GPM6A: variants seen among roughly 807,000 people sequenced by gnomAD.
GPM6A encodes the protein glycoprotein M6A.
Under a neutral mutation model 32.1 loss-of-function variants are expected in GPM6A, and 7 were observed. The observed-to-expected ratio is 0.22, with a 90% CI of 0.12 to 0.41. The LOEUF is 0.41. Among genes scored for constraint, GPM6A ranks in the 10% least tolerant of loss-of-function variants. GPM6A has a pLI of 1.00. For synonymous variants in GPM6A, 130 were observed against 123.4 expected (o/e 1.05, Z -0.35); for missense variants, 235 against 347.2 (o/e 0.68, Z 2.57).
chr4:175,943,105 T>G (rs1489309122), intron 1 of GPM6A, among the ~76,000 whole-genome samples: 1 of 152,196 alleles, frequency 6.6e-6, no homozygotes. Flanking sequence ...ACATCCCTTG[T>G]AAGCTGTATT....
intron 1 of GPM6A, among the ~76,000 whole-genome samples, chr4:175,725,215 T>A (rs1746340623): frequency 6.6e-6 from 1 of 152,004 alleles, no homozygotes; most frequent in Admixed American, 6.6e-5. Context: ...TAATAAGAGC[T>A]AAACAAATAT....
intron 4 of GPM6A, 56 bp from the exon 5 acceptor site, chr4:175,640,885 G>T: frequency 1.8e-6 from 2 of 1,140,780 alleles, no homozygotes; most frequent in South Asian, 1.3e-5. Context: ...AGAGCCAAGA[G>T]AGAAAAAAAT....
chr4:175,752,720 A>C (rs1732384581), intron 1 of GPM6A, among the ~76,000 whole-genome samples: 1 of 152,152 alleles, frequency 6.6e-6, no homozygotes, highest in Non-Finnish European at 1.5e-5. Context: ...CATGAAATTA[A>C]AGGACAAAGA....
rs1743253855 is a variant in GPM6A, at chr4:175,674,520, G to A, written c.231-684C>T. Reference sequence around the variant, plus strand: ...AATTATCATATGATTTCTCTAATTAGGACAAAATACCAAATGCAAAGATTT... The same window carrying A: ...AATTATCATATGATTTCTCTAATTAAGACAAAATACCAAATGCAAAGATTT... On this transcript the variant is annotated intron_variant, in intron 2 of 6. Coordinates refer to ENST00000393658, the MANE Select transcript of GPM6A (RefSeq NM_201591.3). Among the ~76,000 whole-genome samples the A allele has an allele frequency of 2.0e-5, 3 of 152,058 alleles. No homozygotes were observed. The South Asian group carries it at 6.2e-4, about 31-fold the overall frequency.
At chr4:175,822,728 G>A (rs1252265420) in intron 1 of GPM6A, among the ~76,000 whole-genome samples, 1 of 151,524 alleles carries the variant, frequency 6.6e-6, no homozygotes, top group African/African-American at 2.4e-5. Flanking sequence ...TGTTACATAG[G>A]TATACATGTG....
intron 1 of GPM6A, among the ~76,000 whole-genome samples, chr4:175,747,515 A>G (rs1198662616): frequency 6.6e-6 from 1 of 152,246 alleles, no homozygotes; most frequent in Non-Finnish European, 1.5e-5. Context: ...AGTGAGTCAC[A>G]CACATATTTT....
chr4:175,648,350 G>C (rs1206185921), intron 4 of GPM6A, among the ~76,000 whole-genome samples: 1 of 152,114 alleles, frequency 6.6e-6, no homozygotes, highest in Non-Finnish European at 1.5e-5. Flanking sequence ...ACCTGTGTTG[G>C]AGTAAGCCGT....
rs552821029 is a variant in GPM6A at position 175,633,676 on chromosome 4, C to A, written c.*1229G>T. On this transcript the variant is annotated 3_prime_UTR_variant, in exon 7 of 7. Coordinates refer to ENST00000393658, the MANE Select transcript of GPM6A (RefSeq NM_201591.3). ...ATTTGGTCCAATAATACTGATTGCT[C>A]TTTGTTAAAATTCCTTTGATACAGG... 2.0e-5 allele frequency: 3 copies of A among 152,522 alleles called. No homozygotes were observed. Among genetic ancestry groups the A allele is most frequent in the Middle Eastern group, 3.4e-3 (1 of 294 alleles). 9.4% of individuals were successfully genotyped at this position (152,522 alleles called of 1,614,324 possible).
At chr4:175,796,111 C>T (rs1734217053) in intron 1 of GPM6A, among the ~76,000 whole-genome samples, 1 of 152,166 alleles carries the variant, frequency 6.6e-6, no homozygotes, top group African/African-American at 2.4e-5. Context: ...GTTTTAGTTG[C>T]TCTCTGTCTC....
intron 1 of GPM6A, among the ~76,000 whole-genome samples, chr4:175,723,075 C>T (rs1746228298): frequency 6.6e-6 from 1 of 152,068 alleles, no homozygotes; most frequent in African/African-American, 2.4e-5. Context: ...TGTGGTAGCT[C>T]CAATGGTTTG....
chr4:175,886,377 T>C (rs956676724), intron 1 of GPM6A, among the ~76,000 whole-genome samples: 4 of 151,952 alleles, frequency 2.6e-5, no homozygotes, highest in Admixed American at 2.0e-4. Flanking sequence ...TGGGAGAAAA[T>C]AACTGTCAAG....
intron 2 of GPM6A, 44 bp downstream of exon 2, chr4:175,701,530 TA>T: frequency 7.1e-7 from 1 of 1,406,770 alleles, no homozygotes; most frequent in Non-Finnish European, 1.0e-6. Flanking sequence ...CATAGAAGTG[TA>T]AATATATACA....
intron 1 of GPM6A, among the ~76,000 whole-genome samples, chr4:175,798,052 C>T (rs893580695): frequency 2.0e-5 from 3 of 152,098 alleles, no homozygotes; most frequent in Non-Finnish European, 4.4e-5. Context: ...AAATGAAGTG[C>T]CGTAATCATC....
rs544098057 is a variant in GPM6A, at chr4:175,885,033, C to T, written c.-22-72784G>A. 5.9e-5 allele frequency among the ~76,000 whole-genome samples: 9 copies of T among 152,220 alleles called. No homozygotes were observed. In the South Asian group the frequency reaches 6.2e-4, roughly 11 times the overall value. On this transcript the variant is annotated intron_variant, in intron 1 of 7. Transcript: ENST00000280187. ...GCAAATCTTATGATTAGCAATTCCGCTCTATAGGAAGATATCTTTCAGAAT... is the reference window on the plus strand; with the variant it reads ...GCAAATCTTATGATTAGCAATTCCGTTCTATAGGAAGATATCTTTCAGAAT...
chr4:175,658,556 C>G (rs1013618470), intron 3 of GPM6A, among the ~76,000 whole-genome samples: 1 of 152,038 alleles, frequency 6.6e-6, no homozygotes. Flanking sequence ...AGAGAAAATC[C>G]TCATCTAAAT....
chr4:175,859,006 C>T (rs1736497215), intron 1 of GPM6A, among the ~76,000 whole-genome samples: 1 of 152,074 alleles, frequency 6.6e-6, no homozygotes, highest in African/African-American at 2.4e-5. Context: ...ATCTGAAATT[C>T]TAGAAAATGC....
intron 1 of GPM6A, chr4:175,962,287 C>T: frequency 7.7e-7 from 1 of 1,296,456 alleles, no homozygotes; most frequent in Non-Finnish European, 1.1e-6. Flanking sequence ...ACACCACAGA[C>T]ACCAGAAGTA....
intron 1 of GPM6A, among the ~76,000 whole-genome samples, chr4:175,865,916 A>G (rs1336596727): frequency 1.3e-5 from 2 of 152,198 alleles, no homozygotes; most frequent in African/African-American, 4.8e-5. Context: ...AATATTTGGC[A>G]GAATTCACCA....
chr4:175,696,519 C>G (rs1744587715), intron 2 of GPM6A, among the ~76,000 whole-genome samples: 1 of 152,158 alleles, frequency 6.6e-6, no homozygotes, highest in Non-Finnish European at 1.5e-5. Context: ...GAAATGCACA[C>G]TATTTATTAT....
Sources: allele counts gnomAD v4.1 joint callset (sites outside exome capture counted in the v4.1 genomes callset), GRCh38; gene constraint gnomAD v4.1.1; transcripts MANE v1.5; gene names NCBI Gene and HGNC (gene_info 2026-07-23, HGNC 2026-07-21).